The following SLC44A5 variants were observed in gnomAD, a reference collection of about 807,000 sequenced individuals.
SLC44A5 encodes solute carrier family 44 member 5.
Under a neutral mutation model 101.8 loss-of-function variants are expected in SLC44A5, and 57 were observed. The observed-to-expected ratio is 0.56, with a 90% CI of 0.45 to 0.70. The LOEUF (loss-of-function observed/expected upper bound fraction) is 0.70. Among genes scored for constraint, SLC44A5 ranks in the 30% least tolerant of loss-of-function variants. The pLI is 0.00. For missense variants in SLC44A5, 737 were observed against 853.1 expected, an observed-to-expected ratio of 0.86 and a Z score of 1.70; for synonymous variants, 281 against 290.9, an observed-to-expected ratio of 0.97 and a Z score of 0.35.
chr1:75,508,320 G>A (rs1669382619), intron 2 of SLC44A5, among the ~76,000 whole-genome samples: 1 of 152,092 alleles, frequency 6.6e-6, no homozygotes. Flanking sequence ...ACAGAGACAT[G>A]TCATCCCAAA....
At chr1:75,523,128 C>G (rs183001191) in intron 2 of SLC44A5, among the ~76,000 whole-genome samples, 1 of 152,230 alleles carries the variant, frequency 6.6e-6, no homozygotes, top group East Asian at 1.9e-4. Flanking sequence ...CATGGTAGTT[C>G]CCAAATGATT....
At chr1:75,666,502 C>A in the SLC44A5 span, among the ~76,000 whole-genome samples, 1 of 152,068 alleles carries the variant, frequency 6.6e-6, no homozygotes, top group Non-Finnish European at 1.5e-5. Flanking sequence ...CCAAGTTCTA[C>A]CAGAGGTACA....
At chr1:75,282,659 G>A (rs1028251176) in intron 5 of SLC44A5, among the ~76,000 whole-genome samples, 10 of 152,244 alleles carry the variant, frequency 6.6e-5, no homozygotes, top group South Asian at 4.1e-4. Flanking sequence ...CAGTTTCGCC[G>A]TGCTGTTCTT....
At chr1:75,463,601 A>G (rs1666640147) in intron 2 of SLC44A5, among the ~76,000 whole-genome samples, 1 of 152,150 alleles carries the variant, frequency 6.6e-6, no homozygotes, top group Non-Finnish European at 1.5e-5. Context: ...AATAGTATAT[A>G]TCTGGTGAAA....
chr1:75,249,132 G>A (rs532125395), intron 7 of SLC44A5, among the ~76,000 whole-genome samples: 42 of 152,064 alleles, frequency 2.8e-4, no homozygotes, highest in Non-Finnish European at 4.7e-4. Context: ...AGTGGTCACA[G>A]AACTAAGATA....
chr1:75,615,140 A>G (rs1293813050), upstream of SLC44A5, among the ~76,000 whole-genome samples: 1 of 151,970 alleles, frequency 6.6e-6, no homozygotes, highest in African/African-American at 2.4e-5. Flanking sequence ...CCAACTTTGG[A>G]AGCCCGGGTT....
the SLC44A5 span, among the ~76,000 whole-genome samples, chr1:75,671,225 G>A: frequency 1.3e-5 from 2 of 152,132 alleles, no homozygotes; most frequent in Non-Finnish European, 2.9e-5. Context: ...ACCTGTGGGA[G>A]CTCCATAAAA....
At chr1:75,294,104 G>C (rs919709126) in intron 5 of SLC44A5, among the ~76,000 whole-genome samples, 1 of 152,088 alleles carries the variant, frequency 6.6e-6, no homozygotes, top group East Asian at 1.9e-4. Flanking sequence ...TTTTTAATTG[G>C]GAGATATGAT....
chr1:75,423,905 G>C (rs1263716447), intron 2 of SLC44A5, among the ~76,000 whole-genome samples: 2 of 152,174 alleles, frequency 1.3e-5, no homozygotes, highest in Non-Finnish European at 2.9e-5. Context: ...GTTGCTCAGG[G>C]TATAAGCAGA....
At chr1:75,225,917 G>A (rs759111238) in intron 13 of SLC44A5, among the ~76,000 whole-genome samples, 16 of 152,150 alleles carry the variant, frequency 1.1e-4, no homozygotes, top group Non-Finnish European at 1.5e-4. Flanking sequence ...ACAGCCGGGG[G>A]TGGGCACAGA....
At chr1:75,689,027 T>C in the SLC44A5 span, among the ~76,000 whole-genome samples, 1 of 152,212 alleles carries the variant, frequency 6.6e-6, no homozygotes, top group Non-Finnish European at 1.5e-5. Flanking sequence ...TGCTTTCTTT[T>C]GTATTCCTTT....
At chr1:75,545,824 C>CTTTTTTTTTTTTTTTTT (rs57147182) in intron 1 of SLC44A5, among the ~76,000 whole-genome samples, 1 of 136,122 alleles carries the variant, frequency 7.3e-6, no homozygotes. Flanking sequence ...TTTTTCTTTT[C>CTTTTTTTTTTTTTTTTT]TTTTTTTTTT....
chr1:75,305,911 G>A (rs1452312149), intron 4 of SLC44A5, among the ~76,000 whole-genome samples: 1 of 152,134 alleles, frequency 6.6e-6, no homozygotes, highest in Non-Finnish European at 1.5e-5. Context: ...TATCTTTAAG[G>A]CAACTATATT....
intron 3 of SLC44A5, among the ~76,000 whole-genome samples, chr1:75,379,933 T>C (rs1421893182): frequency 1.2e-5 from 1 of 82,764 alleles, no homozygotes; most frequent in Non-Finnish European, 2.1e-5. Flanking sequence ...GAGAGCCACC[T>C]GACTTATGTC....
chr1:75,333,558 A>AT (rs1427524149), intron 4 of SLC44A5, among the ~76,000 whole-genome samples: 6 of 151,678 alleles, frequency 4.0e-5, no homozygotes, highest in African/African-American at 1.5e-4. Context: ...AAATCAAGAG[A>AT]TTTTTTAAAA....
At chr1:75,390,509 C>A (rs1661716153) in intron 3 of SLC44A5, among the ~76,000 whole-genome samples, 1 of 151,534 alleles carries the variant, frequency 6.6e-6, no homozygotes, top group South Asian at 2.1e-4. Context: ...AAGGTTGGTT[C>A]AACATACATG....
chr1:75,438,505 T>C (rs1665012934), intron 2 of SLC44A5, among the ~76,000 whole-genome samples: 1 of 151,954 alleles, frequency 6.6e-6, no homozygotes. Context: ...GAAACCTAAG[T>C]AGGGAGCACT....
At chr1:75,317,375 G>A (rs1382667377) in intron 4 of SLC44A5, among the ~76,000 whole-genome samples, 1 of 152,214 alleles carries the variant, frequency 6.6e-6, no homozygotes, top group Non-Finnish European at 1.5e-5. Flanking sequence ...CAGAGACATA[G>A]TGTTCTGATT....
At chr1:75,611,120 A>G (rs1335557722), upstream of SLC44A5, 3 of 984,896 alleles carry the variant, frequency 3.0e-6, no homozygotes, top group Admixed American at 6.2e-5. Context: ...CTACTGTGAA[A>G]AAAAAGCTGA....
Sources: allele counts gnomAD v4.1 joint callset (sites outside exome capture counted in the v4.1 genomes callset), GRCh38; gene constraint gnomAD v4.1.1; transcripts MANE v1.5; gene names NCBI Gene and HGNC (gene_info 2026-07-23, HGNC 2026-07-21).